The following FOXK1 variants were observed in gnomAD, a reference collection of about 807,000 sequenced individuals.
FOXK1 encodes forkhead box protein K1.
In FOXK1, 19 loss-of-function variants were observed where a neutral mutation model predicts 51.9. The observed-to-expected ratio is 0.37, with a 90% confidence interval of 0.26 to 0.54. The LOEUF (loss-of-function observed/expected upper bound fraction) is 0.54, where lower values mean the gene tolerates loss of function less well. FOXK1 is among the 20% of genes least tolerant of loss of function. FOXK1 has a pLI of 0.87. For synonymous variants in FOXK1, 537 were observed against 482.6 expected (o/e 1.11, Z -1.48); for missense variants, 870 against 1,032.7 (o/e 0.84, Z 2.16).
At chr7:4,752,068 T>C (rs1780786526) in intron 2 of FOXK1, among the ~76,000 whole-genome samples, 1 of 152,258 alleles carries the variant, frequency 6.6e-6, no homozygotes, top group Non-Finnish European at 1.5e-5. Context: ...TCTTCCTGCC[T>C]CAGCCTCCTG....
Position 4,684,858 on chromosome 7 carries a change from A to T in FOXK1, c.560+1990A>T, listed in dbSNP as rs990560442. On this transcript the variant is annotated intron_variant, in intron 1 of 8. Coordinates refer to ENST00000328914, the MANE Select transcript of FOXK1 (RefSeq NM_001037165.2). ...TTTTTTTTTGTAATTCAAGGGGAAA[A>T]AATTTCAACCTCAGATCGTCTACGA... is the stretch of plus-strand genomic sequence containing the variant. Among the ~76,000 whole-genome samples, 3 of 152,008 alleles carry T rather than the reference A, an allele frequency of 2.0e-5. No homozygotes were observed. In the East Asian group the frequency reaches 5.8e-4, roughly 29 times the overall value.
chr7:4,742,924 C>T (rs913868517), intron 2 of FOXK1, among the ~76,000 whole-genome samples: 2 of 152,166 alleles, frequency 1.3e-5, no homozygotes, highest in Non-Finnish European at 2.9e-5. Context: ...GAGTGTCTCT[C>T]GTGGAGAGAG....
chr7:4,682,541 C>G lies in FOXK1; in HGVS notation c.233C>G (p.Ser78Cys). 1 of 1,143,218 alleles carries G rather than the reference C, an allele frequency of 8.7e-7. No homozygotes were observed. The highest frequency in any genetic ancestry group is 1.1e-6 in the Non-Finnish European group (1 of 934,574). The allele number at this position is 1,143,218 out of a possible 1,614,324, so 70.8% of individuals were successfully genotyped here. ...AGSSGGSSGV[S>C]GDSAVAGAAP... Reference sequence around the variant, plus strand: ...TCCTCCGGGGGCTCCTCCGGGGTATCCGGGGACTCCGCGGTCGCGGGCGCG... The same window carrying G: ...TCCTCCGGGGGCTCCTCCGGGGTATGCGGGGACTCCGCGGTCGCGGGCGCG... The change falls in exon 1 of 9, where the codon TCC becomes TGC. Residue 78 changes from serine to cysteine, a missense_variant. Physicochemically the swap from Ser to Cys is moderately radical, Grantham distance 112. This residue lies in a region of FOXK1 where 399 missense variants were observed against 475.6 expected (regional missense o/e 0.84). Transcript: ENST00000328914. The surrounding 1 kb of genome is among the most constrained non-coding windows in gnomAD (Gnocchi z 7.6).
chr7:4,752,746 C>T (rs1231118440), intron 2 of FOXK1, among the ~76,000 whole-genome samples: 2 of 152,196 alleles, frequency 1.3e-5, no homozygotes, highest in African/African-American at 4.8e-5. Flanking sequence ...GGGGGACGTC[C>T]AGTGGCTTTG....
intron 1 of FOXK1, among the ~76,000 whole-genome samples, chr7:4,708,866 A>G (rs1200210580): frequency 2.6e-5 from 4 of 152,074 alleles, no homozygotes; most frequent in African/African-American, 7.2e-5. Flanking sequence ...GGAGTTCAAG[A>G]CCATCCTGGT....
chr7:4,723,863 A>G lies in FOXK1; in HGVS notation c.561-16975A>G, dbSNP rs4724033. Among the ~76,000 whole-genome samples the G allele has an allele frequency of 0.84, 127,411 of 152,068 alleles. 53,917 individuals are homozygous for G. Among genetic ancestry groups the G allele is most frequent in the African/African-American group, 0.96 (39,807 of 41,494 alleles). On this transcript the variant is annotated intron_variant, in intron 1 of 8. Transcript: ENST00000328914. This position sits in a 1 kb window ranked among gnomAD's most constrained non-coding sequence, Gnocchi z 4.7. The stretch of plus-strand genomic sequence containing the variant: ...CTTTGTATTTTTGGTAAAGATGGGG[A>G]TCTCACTATGTTGCCCAGGCCGGTC...
chr7:4,706,997 C>G (rs896494504), intron 1 of FOXK1, among the ~76,000 whole-genome samples: 7 of 152,256 alleles, frequency 4.6e-5, no homozygotes, highest in Admixed American at 3.9e-4. Context: ...AATAACTTAC[C>G]TACTTCATGC....
chr7:4,751,481 C>T (rs981697983), intron 2 of FOXK1, among the ~76,000 whole-genome samples: 6 of 152,180 alleles, frequency 3.9e-5, no homozygotes, highest in Non-Finnish European at 7.4e-5. Flanking sequence ...CCTGGCTGGG[C>T]GCCCTCAGAC....
At chr7:4,751,832 T>C (rs1451889556) in intron 2 of FOXK1, among the ~76,000 whole-genome samples, 1 of 152,218 alleles carries the variant, frequency 6.6e-6, no homozygotes, top group Non-Finnish European at 1.5e-5. Context: ...CTGGGGAAAG[T>C]GGCGGAGAAA....
At position 4,747,269 on chromosome 7, in the gene FOXK1, G is replaced by A. The variant is rs941790035; in HGVS notation, c.746+6246G>A. Among the ~76,000 whole-genome samples the A allele has an allele frequency of 4.6e-5, 7 of 150,906 alleles. No individual in the cohort carries two copies. Among genetic ancestry groups the A allele is most frequent in the Non-Finnish European group, 8.9e-5 (6 of 67,368 alleles). On this transcript the variant is annotated intron_variant, in intron 2 of 8. Coordinates refer to ENST00000328914, the MANE Select transcript of FOXK1 (RefSeq NM_001037165.2). The surrounding 1 kb of genome is among the most constrained non-coding windows in gnomAD (Gnocchi z 9.2). ...GTTACGCACGAGGACAGCCCTTTCC[G>A]GGTTCCATGAGCCTCAGGGGAAGCA...
intron 1 of FOXK1, among the ~76,000 whole-genome samples, chr7:4,719,728 C>T (rs1490609823): frequency 6.6e-6 from 1 of 152,136 alleles, no homozygotes; most frequent in Non-Finnish European, 1.5e-5. Flanking sequence ...GTGATCCACC[C>T]GCTTTGGCCT....
At position 4,768,258 on chromosome 7, in the gene FOXK1, G is replaced by C. The variant is rs1019390236; in HGVS notation, c.*5794G>C. On this transcript the variant is annotated 3_prime_UTR_variant, in exon 9 of 9. Transcript: ENST00000328914. ...CGCCATTCTCCTGCCTCAGCCTCCC[G>C]AGTAGCTGGGACTACAGGCGCCCGC... 1 of 141,070 alleles carries C rather than the reference G, an allele frequency of 7.1e-6. No homozygotes were observed. The highest frequency in any genetic ancestry group is 2.9e-5 in the African/African-American group (1 of 34,792). The allele number at this position is 141,070 out of a possible 1,614,324, so 8.7% of individuals were successfully genotyped here.
chr7:4,716,507 CA>C (rs201379872), intron 1 of FOXK1, among the ~76,000 whole-genome samples: 14 of 149,688 alleles, frequency 9.4e-5, no homozygotes, highest in Admixed American at 8.7e-4. Flanking sequence ...CCCTGTGTCC[CA>C]AAAAAAAAGA....
At position 4,749,914 on chromosome 7, in the gene FOXK1, C is replaced by T. The variant is rs1315544967; in HGVS notation, c.747-4545C>T. 7.2e-5 allele frequency among the ~76,000 whole-genome samples: 11 copies of T among 152,324 alleles called. No homozygotes were observed. Among genetic ancestry groups the T allele is most frequent in the Non-Finnish European group, 1.5e-4 (10 of 68,028 alleles). Reference sequence around the variant, plus strand: ...CGACCTGTGTGTCCCACAGCCCGTCCGTCCCTCTGCAGTCTCCCTGCACTG... The same window carrying T: ...CGACCTGTGTGTCCCACAGCCCGTCTGTCCCTCTGCAGTCTCCCTGCACTG... On this transcript the variant is annotated intron_variant, in intron 2 of 8. Coordinates refer to ENST00000328914, the MANE Select transcript of FOXK1 (RefSeq NM_001037165.2). The surrounding 1 kb of genome is among the most constrained non-coding windows in gnomAD (Gnocchi z 6.0).
Position 4,745,166 on chromosome 7 carries a change from T to A in FOXK1, c.746+4143T>A, listed in dbSNP as rs1780685824. 6.6e-6 allele frequency among the ~76,000 whole-genome samples: 1 copy of A among 152,240 alleles called. No individual in the cohort carries two copies. Among genetic ancestry groups the A allele is most frequent in the South Asian group, 2.1e-4 (1 of 4,832 alleles). On this transcript the variant is annotated intron_variant, in intron 2 of 8. Coordinates refer to ENST00000328914, the MANE Select transcript of FOXK1 (RefSeq NM_001037165.2). This position sits in a 1 kb window ranked among gnomAD's most constrained non-coding sequence, Gnocchi z 4.3. ...GGCCAGGCCAGAAGAGCTGGCTGCC[T>A]GCAAGGCTGTCCCCTCCCAGTGCCG... is the stretch of plus-strand genomic sequence containing the variant.
Position 4,762,426 on chromosome 7 carries a change from G to A in FOXK1, c.2164G>A (p.Ala722Thr), listed in dbSNP as rs199826676. Residue 722 changes from alanine to threonine, a missense_variant, in exon 9 of 9, where the codon GCA (alanine) becomes ACA (threonine). Ala to Thr is a moderately conservative substitution (Grantham distance 58, BLOSUM62 0). This residue lies in a region of FOXK1 where 457 missense variants were observed against 510.8 expected (regional missense o/e 0.89). Transcript: ENST00000328914. The surrounding 1 kb of genome is among the most constrained non-coding windows in gnomAD (Gnocchi z 5.7). ...GAVTTPAGVI[A>T]AAGPQGPGTG... ...TGTAACCACACCGGCTGGAGTGATC[G>A]CAGCTGCCGGCCCCCAGGGGCCAGG... 151 of 1,547,274 alleles carry A rather than the reference G, an allele frequency of 9.8e-5. No homozygotes were observed. Among genetic ancestry groups the A allele is most frequent in the Non-Finnish European group, 1.3e-4 (144 of 1,145,746 alleles).
intron 1 of FOXK1, among the ~76,000 whole-genome samples, chr7:4,704,620 A>G (rs1388052372): frequency 7.2e-5 from 11 of 152,114 alleles, no homozygotes; most frequent in Admixed American, 7.2e-4. Context: ...TCCACGCAGC[A>G]CGCAGCAGGA....
rs1031703555 is a variant in FOXK1, at chr7:4,711,768, C to T, written c.560+28900C>T. On this transcript the variant is annotated intron_variant, in intron 1 of 8. Transcript: ENST00000328914. This position sits in a 1 kb window ranked among gnomAD's most constrained non-coding sequence, Gnocchi z 6.3. The stretch of plus-strand genomic sequence containing the variant: ...GCTGGGCTCAGCCACAAGTCGGCAA[C>T]GTAGTGCCTCCAGGGCAGATGCCAC... 2.0e-5 allele frequency among the ~76,000 whole-genome samples: 3 copies of T among 152,208 alleles called. No homozygotes were observed. The highest frequency in any genetic ancestry group is 4.8e-5 in the African/African-American group (2 of 41,452).
intron 1 of FOXK1, among the ~76,000 whole-genome samples, chr7:4,738,869 T>C (rs1426248117): frequency 6.6e-6 from 1 of 152,140 alleles, no homozygotes; most frequent in Admixed American, 6.6e-5. Context: ...CTCTCTTCCA[T>C]GTGGGCAGCC....
Sources: allele counts gnomAD v4.1 joint callset (sites outside exome capture counted in the v4.1 genomes callset), GRCh38; gene constraint gnomAD v4.1.1; regional missense constraint gnomAD v4.1.1; non-coding constraint Gnocchi (gnomAD v3.1); transcripts MANE v1.5; gene names NCBI Gene and HGNC (gene_info 2026-07-23, HGNC 2026-07-21).